ARL15: variants seen among roughly 807,000 people sequenced by gnomAD.
ARL15 encodes the protein ADP-ribosylation factor-like protein 15.
Under a neutral mutation model 25.2 loss-of-function variants are expected in ARL15, and 19 were observed. The ratio of observed to expected loss-of-function variants is 0.75; its 90% CI spans 0.53 to 1.10. ARL15 has a LOEUF of 1.10. Among genes scored for constraint, ARL15 ranks in the 50% least tolerant of loss-of-function variants. The pLI, the probability that ARL15 is intolerant of heterozygous loss-of-function variation, is 0.00. For synonymous variants in ARL15, 94 were observed against 86.8 expected (o/e 1.08, Z -0.46); for missense variants, 220 against 246.0 (o/e 0.89, Z 0.71).
chr5:54,306,743 G>C (rs1438090325), intron 1 of ARL15, among the ~76,000 whole-genome samples: 2 of 151,358 alleles, frequency 1.3e-5, no homozygotes, highest in Non-Finnish European at 2.9e-5. Context: ...TTTACAAATG[G>C]CTTTCCCTCC....
rs146286288 is a variant in ARL15 at position 54,020,791 on chromosome 5, T to TA, written c.462+92410dup. Among the ~76,000 whole-genome samples the TA allele has an allele frequency of 5.3e-3, 787 of 147,808 alleles. 5 individuals are homozygous for TA. The highest frequency in any genetic ancestry group is 0.011 in the Admixed American group (160 of 14,800). ...GTGAAACCTGGTCTCTAATAAAAAT[T>TA]AAAAGAAAAAAAAATTAGCTGGCTG... is the stretch of plus-strand genomic sequence containing the variant. On this transcript the variant is annotated intron_variant, in intron 4 of 4. Coordinates refer to ENST00000504924, the MANE Select transcript of ARL15 (RefSeq NM_019087.3).
intron 1 of ARL15, among the ~76,000 whole-genome samples, chr5:54,207,265 G>T (rs1034206285): frequency 6.6e-6 from 1 of 152,192 alleles, no homozygotes; most frequent in Admixed American, 6.5e-5. Context: ...GAGACTAAGA[G>T]AATTTTAAAA....
At position 54,205,790 on chromosome 5, in the gene ARL15, C is replaced by A. The variant is rs563628385; in HGVS notation, c.49-33862G>T. ...CTCCTGGTCAAAGGCACAGTAAGAA[C>A]AAAGACTGCTCCAGAAACAGTAACT... On this transcript the variant is annotated intron_variant, in intron 1 of 4. Transcript: ENST00000504924. Among the ~76,000 whole-genome samples the A allele has an allele frequency of 8.8e-4, 134 of 152,314 alleles. No individual in the cohort carries two copies. In the Middle Eastern group the frequency reaches 0.024, roughly 27 times the overall value.
intron 1 of ARL15, among the ~76,000 whole-genome samples, chr5:54,299,553 A>ACAG (rs940195063): frequency 6.6e-6 from 1 of 151,258 alleles, no homozygotes; most frequent in Non-Finnish European, 1.5e-5. Flanking sequence ...AGTATAGTAT[A>ACAG]CAGTATGTAA....
chr5:54,162,503 G>A (rs765329449), intron 2 of ARL15, among the ~76,000 whole-genome samples: 1 of 151,892 alleles, frequency 6.6e-6, no homozygotes, highest in Non-Finnish European at 1.5e-5. Flanking sequence ...TTCCTTCTAC[G>A]CTTTTAGAAC....
chr5:54,107,652 G>A (rs560803308), intron 4 of ARL15, among the ~76,000 whole-genome samples: 21 of 152,074 alleles, frequency 1.4e-4, no homozygotes, highest in Non-Finnish European at 2.5e-4. Context: ...AAAAGAGTAC[G>A]AATTGAAAAA....
intron 1 of ARL15, among the ~76,000 whole-genome samples, chr5:54,190,160 G>A (rs1367641034): frequency 6.6e-6 from 1 of 152,178 alleles, no homozygotes; most frequent in Non-Finnish European, 1.5e-5. Context: ...GGGAGTCAAG[G>A]CAGGTGGATC....
intron 4 of ARL15, among the ~76,000 whole-genome samples, chr5:54,094,691 C>T (rs1752232227): frequency 6.6e-6 from 1 of 152,190 alleles, no homozygotes. Flanking sequence ...TGAAAACTAC[C>T]CACTTGGAAT....
chr5:53,964,453 G>A (rs992944378), intron 4 of ARL15, among the ~76,000 whole-genome samples: 5 of 151,936 alleles, frequency 3.3e-5, no homozygotes, highest in Non-Finnish European at 5.9e-5. Flanking sequence ...TCCGCCTCCC[G>A]GGTTCACGCC....
At chr5:54,152,818 T>A (rs1001046678) in intron 3 of ARL15, among the ~76,000 whole-genome samples, 1 of 152,204 alleles carries the variant, frequency 6.6e-6, no homozygotes, top group African/African-American at 2.4e-5. Context: ...TTCGGCAAAA[T>A]TAAACCGTGC....
chr5:53,898,728 C>T (rs1744956487), intron 4 of ARL15, among the ~76,000 whole-genome samples: 1 of 151,922 alleles, frequency 6.6e-6, no homozygotes, highest in Non-Finnish European at 1.5e-5. Flanking sequence ...TCACTGTAGC[C>T]TCAACCTTCC....
At chr5:54,167,314 T>C (rs1226331445) in intron 2 of ARL15, among the ~76,000 whole-genome samples, 2 of 152,188 alleles carry the variant, frequency 1.3e-5, no homozygotes, top group Admixed American at 1.3e-4. Flanking sequence ...ATTAGCCATC[T>C]TGGTCTCCCC....
intron 1 of ARL15, among the ~76,000 whole-genome samples, chr5:54,214,938 C>T (rs906608330): frequency 1.3e-5 from 2 of 152,078 alleles, no homozygotes; most frequent in African/African-American, 2.4e-5. Flanking sequence ...TTATTCCCAC[C>T]GCGTTGGGGC....
chr5:53,929,541 T>C (rs1315966755), intron 4 of ARL15, among the ~76,000 whole-genome samples: 1 of 152,220 alleles, frequency 6.6e-6, no homozygotes, highest in Non-Finnish European at 1.5e-5. Context: ...GAATCAGAAA[T>C]TGGTAACAAT....
chr5:54,299,752 G>T (rs1316538203), intron 1 of ARL15, among the ~76,000 whole-genome samples: 1 of 151,894 alleles, frequency 6.6e-6, no homozygotes, highest in Non-Finnish European at 1.5e-5. Context: ...ACTACGCCTG[G>T]CTAATTTTTT....
chr5:54,063,944 C>G (rs934961983), intron 4 of ARL15, among the ~76,000 whole-genome samples: 3 of 152,106 alleles, frequency 2.0e-5, no homozygotes, highest in African/African-American at 7.2e-5. Context: ...CCACTCTGAC[C>G]ACATCATTTT....
intron 1 of ARL15, among the ~76,000 whole-genome samples, chr5:54,275,357 A>G (rs1757899888): frequency 6.6e-6 from 1 of 152,228 alleles, no homozygotes; most frequent in Non-Finnish European, 1.5e-5. Flanking sequence ...TTGGAGGCTT[A>G]CTAGAGTTCA....
At chr5:54,145,621 T>C (rs1445612661) in intron 3 of ARL15, among the ~76,000 whole-genome samples, 1 of 152,092 alleles carries the variant, frequency 6.6e-6, no homozygotes, top group Non-Finnish European at 1.5e-5. Context: ...TGTGTGTGTG[T>C]GTGTGCGTGC....
chr5:54,235,445 C>A (rs181279928), intron 1 of ARL15, among the ~76,000 whole-genome samples: 1 of 151,406 alleles, frequency 6.6e-6, no homozygotes, highest in African/African-American at 2.4e-5. Context: ...AATGTACGCA[C>A]GTGTACCCAT....
Sources: allele counts gnomAD v4.1 joint callset (sites outside exome capture counted in the v4.1 genomes callset), GRCh38; gene constraint gnomAD v4.1.1; transcripts MANE v1.5; gene names NCBI Gene and HGNC (gene_info 2026-07-23, HGNC 2026-07-21).